The following FRYL variants were observed in gnomAD, a reference collection of about 807,000 sequenced individuals.
FRYL encodes FRY like transcription coactivator.
A neutral mutation model predicts 351.2 loss-of-function variants in FRYL; 150 were observed. That is an observed-to-expected ratio of 0.43 (90% CI 0.37 to 0.49). The LOEUF is 0.49. Among genes scored for constraint, FRYL ranks in the 20% least tolerant of loss-of-function variants. FRYL has a pLI of 0.00. For missense variants in FRYL, 3,036 were observed against 3,619.3 expected (o/e 0.84, Z 4.13); for synonymous variants, 1,153 against 1,257.1 (o/e 0.92, Z 1.75).
intron 24 of FRYL, 47 bp downstream of exon 24, chr4:48,575,983 G>T: frequency 7.4e-7 from 1 of 1,358,018 alleles, no homozygotes; most frequent in Non-Finnish European, 9.8e-7. Flanking sequence ...TATTTTTATG[G>T]GGCCATTCAG....
chr4:48,603,222 C>A, intron 12 of FRYL, 68 bp downstream of exon 12: 2 of 1,101,290 alleles, frequency 1.8e-6, no homozygotes, highest in African/African-American at 1.6e-5. Flanking sequence ...TAAATTTCCA[C>A]TGAATTCATA....
At chr4:48,740,289 A>ATTTTTTTTTTT (rs71191255) in intron 1 of FRYL, among the ~76,000 whole-genome samples, 1 of 97,884 alleles carries the variant, frequency 1.0e-5, no homozygotes, top group African/African-American at 4.2e-5. Context: ...AAACAATCTG[A>ATTTTTTTTTTT]TTTTTTTTTT....
At chr4:48,564,525 T>C (rs1373771261) in intron 30 of FRYL, among the ~76,000 whole-genome samples, 1 of 152,112 alleles carries the variant, frequency 6.6e-6, no homozygotes, top group Non-Finnish European at 1.5e-5. Context: ...ATATGTACAA[T>C]ATGAGAGTAA....
In FRYL at chr4:48,757,136, G is replaced by A. The variant is rs116406528; in HGVS notation, c.-384+22942C>T. 3.2e-3 allele frequency among the ~76,000 whole-genome samples: 488 copies of A among 152,262 alleles called. 6 individuals carry two copies. The highest frequency in any genetic ancestry group is 0.012 in the African/African-American group (478 of 41,540). ...CAGAAATGAACTGAAAATGAAAGGT[G>A]AAGAAAAATGTAAAAGAAACAGGCT... On this transcript the variant is annotated intron_variant, in intron 1 of 63. Coordinates refer to ENST00000358350, the MANE Select transcript of FRYL (RefSeq NM_015030.2).
At chr4:48,507,519 A>AACTC (rs1361494130) in intron 59 of FRYL, among the ~76,000 whole-genome samples, 4 of 102,638 alleles carry the variant, frequency 3.9e-5, no homozygotes, top group African/African-American at 1.5e-4. Flanking sequence ...TATCGGCCAA[A>AACTC]ACTCACTCAA....
Position 48,742,985 on chromosome 4 carries a change from T to A in FRYL, c.-383-32287A>T, listed in dbSNP as rs1471599940. 7.6e-4 allele frequency among the ~76,000 whole-genome samples: 106 copies of A among 139,230 alleles called. 2 individuals are homozygous for A. The highest frequency in any genetic ancestry group is 1.5e-3 in the East Asian group (7 of 4,660). 91.3% of individuals were successfully genotyped at this position (139,230 alleles called of 152,430 possible). A position where few individuals can be genotyped will look rare whatever the true frequency, so the allele number is the denominator to read the frequency against. On this transcript the variant is annotated intron_variant, in intron 1 of 63. Coordinates refer to ENST00000358350, the MANE Select transcript of FRYL (RefSeq NM_015030.2). Reference sequence around the variant, plus strand: ...CCACGCCTGGATAATTTTTTTTTTTTTTTTTTTTTTTTTACTAGAGACAGA... The same window carrying A: ...CCACGCCTGGATAATTTTTTTTTTTATTTTTTTTTTTTTACTAGAGACAGA...
chr4:48,575,223 G>T lies in FRYL; in HGVS notation c.2740C>A (p.Pro914Thr). 6.2e-7 allele frequency: 1 copy of T among 1,613,500 alleles called. No individual in the cohort carries two copies. Among genetic ancestry groups the T allele is most frequent in the Non-Finnish European group, 8.5e-7 (1 of 1,179,572 alleles). The change falls in exon 25 of 64, where the codon CCT becomes ACT. Residue 914 changes from proline (P) to threonine (T), a missense_variant. Physicochemically the swap from Pro to Thr is conservative, Grantham distance 38. Around this residue, in one of 7 missense-constraint regions of FRYL, gnomAD observed 492 missense variants for 551.5 expected, o/e 0.89. Coordinates refer to ENST00000358350, the MANE Select transcript of FRYL (RefSeq NM_015030.2). ...IDSKIIGIPS[P>T]SSLFKHIVPM... is the part of the protein sequence containing the mutation. ...ACTATGTGCTTAAACAAGGATGAAG[G>T]GGATGGGATGCCAATAATCTGGAAA...
intron 26 of FRYL, among the ~76,000 whole-genome samples, chr4:48,572,628 A>G (rs2149114861): frequency 6.6e-6 from 1 of 152,292 alleles, no homozygotes; most frequent in East Asian, 1.9e-4. Context: ...TCTCTTCTCT[A>G]TGATTTTACT....
intron 3 of FRYL, among the ~76,000 whole-genome samples, chr4:48,640,644 T>C (rs901211405): frequency 6.6e-6 from 1 of 152,146 alleles, no homozygotes; most frequent in African/African-American, 2.4e-5. Flanking sequence ...ATGTAAACTT[T>C]AGTTAATAAT....
intron 9 of FRYL, 24 bp from the exon 10 acceptor site, chr4:48,606,630 T>G (rs1326724622): frequency 6.4e-7 from 1 of 1,550,520 alleles, no homozygotes; most frequent in Non-Finnish European, 8.8e-7. Context: ...GGAGACATCA[T>G]TTGATTTGAA....
intron 28 of FRYL, among the ~76,000 whole-genome samples, chr4:48,565,941 C>A (rs1736684108): frequency 6.6e-6 from 1 of 152,144 alleles, no homozygotes; most frequent in African/African-American, 2.4e-5. Flanking sequence ...AATTCCATGG[C>A]AGGCTCAATG....
Position 48,527,666 on chromosome 4 carries a change from T to TAAA in FRYL, c.7141-16_7141-14dup. 2 of 1,263,164 alleles carry TAAA rather than the reference T, an allele frequency of 1.6e-6. No individual in the cohort carries two copies. Among genetic ancestry groups the TAAA allele is most frequent in the Non-Finnish European group, 2.2e-6 (2 of 926,822 alleles). 78.2% of individuals were successfully genotyped at this position (1,263,164 alleles called of 1,614,324 possible). A position where few individuals can be genotyped will look rare whatever the true frequency, so the allele number is the denominator to read the frequency against. ...AAGAAAATACAACCTGATGCCCGATTAAAAAAAAAAAAAAAGTCCATCCAT... is the reference window on the plus strand; with the variant it reads ...AAGAAAATACAACCTGATGCCCGATTAAAAAAAAAAAAAAAAAAGTCCATCCAT... On this transcript the variant is annotated splice_polypyrimidine_tract_variant and intron_variant, in intron 52 of 63. Transcript: ENST00000358350.
intron 1 of FRYL, among the ~76,000 whole-genome samples, chr4:48,764,041 G>A (rs1253252333): frequency 6.6e-6 from 1 of 151,990 alleles, no homozygotes; most frequent in African/African-American, 2.4e-5. Flanking sequence ...ATTGTGGCAG[G>A]TGCCTGTAAT....
intron 1 of FRYL, among the ~76,000 whole-genome samples, chr4:48,716,399 A>C (rs1317070504): frequency 6.6e-6 from 1 of 151,622 alleles, no homozygotes; most frequent in South Asian, 2.1e-4. Flanking sequence ...TAATATCCAG[A>C]ATCTACAATG....
intron 15 of FRYL, 139 bp from the exon 16 acceptor site, chr4:48,594,155 T>G (rs1380139775): frequency 2.2e-6 from 1 of 459,964 alleles, no homozygotes; most frequent in African/African-American, 2.1e-5. Context: ...AAAATACATA[T>G]GAATTAAGGT....
intron 57 of FRYL, 28 bp from the exon 58 acceptor site, chr4:48,511,012 T>C (rs917996004): frequency 6.4e-6 from 10 of 1,568,606 alleles, no homozygotes; most frequent in Middle Eastern, 3.4e-4. Flanking sequence ...AGAAAGAGTT[T>C]AGTGTTTCAT....
chr4:48,623,854 A>C (rs1751211166), intron 4 of FRYL, among the ~76,000 whole-genome samples: 1 of 150,216 alleles, frequency 6.7e-6, no homozygotes, highest in South Asian at 2.1e-4. Context: ...GTATATACAC[A>C]TTCACTTACA....
chr4:48,776,170 T>C (rs1384186289), intron 1 of FRYL, among the ~76,000 whole-genome samples: 1 of 150,808 alleles, frequency 6.6e-6, no homozygotes, highest in Non-Finnish European at 1.5e-5. Context: ...TTTTTTTAAA[T>C]AGAGTCAGAG....
At chr4:48,527,334 G>A (rs1726483709) in intron 53 of FRYL, 143 bp downstream of exon 53, 1 of 474,006 alleles carries the variant, frequency 2.1e-6, no homozygotes, top group South Asian at 6.0e-5. Context: ...TTGACTAATT[G>A]TGGTAATCAA....
Sources: allele counts gnomAD v4.1 joint callset (sites outside exome capture counted in the v4.1 genomes callset), GRCh38; gene constraint gnomAD v4.1.1; regional missense constraint gnomAD v4.1.1; transcripts MANE v1.5; gene names NCBI Gene and HGNC (gene_info 2026-07-23, HGNC 2026-07-21).